The following DUSP8 variants were observed in gnomAD, a reference collection of about 807,000 sequenced individuals.
The protein encoded by DUSP8 is dual specificity phosphatase 8, also known as dual specificity protein phosphatase 8.
A neutral mutation model predicts 38.7 loss-of-function variants in DUSP8; 15 were observed. That is an observed-to-expected ratio of 0.39 (90% CI 0.26 to 0.60). The LOEUF (loss-of-function observed/expected upper bound fraction) is 0.60. Ranked by LOEUF, DUSP8 falls within the 20% of genes least tolerant of loss-of-function variation. DUSP8 has a pLI of 0.56. For synonymous variants in DUSP8, 458 were observed against 433.9 expected, an observed-to-expected ratio of 1.06 and a Z score of -0.69; for missense variants, 768 against 915.0, an observed-to-expected ratio of 0.84 and a Z score of 2.07.
At position 1,558,189 on chromosome 11, in the gene DUSP8, C is replaced by G. The variant is rs144327546; in HGVS notation, c.620G>C (p.Arg207Pro). 6.2e-7 allele frequency: 1 copy of G among 1,610,150 alleles called. No individual in the cohort carries two copies. The highest frequency in any genetic ancestry group is 8.5e-7 in the Non-Finnish European group (1 of 1,179,354). Reference sequence around the variant, plus strand: ...GTCGTTGATGGGGACCCGCATGAAGCGGCTCTCGCAGATGAAGTCAGGCTT... The same window carrying G: ...GTCGTTGATGGGGACCCGCATGAAGGGGCTCTCGCAGATGAAGTCAGGCTT... ...CPKPDFICES[R>P]FMRVPINDNY... The change falls in exon 5 of 7, where the codon CGC becomes CCC. Residue 207 changes from arginine to proline, a missense_variant. By Grantham distance (103) the Arg-to-Pro change is moderately radical. This residue lies in a region of DUSP8 where 252 missense variants were observed against 410.4 expected (regional missense o/e 0.61). Transcript: ENST00000397374. This position sits in a 1 kb window ranked among gnomAD's most constrained non-coding sequence, Gnocchi z 6.3.
At chr11:1,571,396 C>T (rs751278366) in intron 1 of DUSP8, 1 of 152,266 alleles carries the variant, frequency 6.6e-6, no homozygotes, top group Non-Finnish European at 1.5e-5. Flanking sequence ...AGCCCTCCCC[C>T]CCGACAGGGG....
intron 3 of DUSP8, among the ~76,000 whole-genome samples, chr11:1,562,599 G>A (rs1287616744): frequency 2.0e-5 from 3 of 152,126 alleles, no homozygotes; most frequent in Admixed American, 6.5e-5. Context: ...ATATACACGT[G>A]CACACACGTA....
chr11:1,564,604 C>G (rs1207696978), intron 2 of DUSP8, among the ~76,000 whole-genome samples: 1 of 152,218 alleles, frequency 6.6e-6, no homozygotes, highest in Non-Finnish European at 1.5e-5. Flanking sequence ...TGTTGAGCGG[C>G]TTTTGCTCAG....
intron 1 of DUSP8, among the ~76,000 whole-genome samples, chr11:1,566,840 G>A (rs1564936962): frequency 6.6e-6 from 1 of 152,098 alleles, no homozygotes; most frequent in Non-Finnish European, 1.5e-5. Context: ...CAGACTGCCG[G>A]GTGGGCAGGT....
chr11:1,558,347 C>T lies in DUSP8; in HGVS notation c.538-76G>A. 7.8e-7 allele frequency: 1 copy of T among 1,277,850 alleles called. No individual in the cohort carries two copies. The highest frequency in any genetic ancestry group is 1.1e-6 in the Non-Finnish European group (1 of 918,478). 79.2% of individuals were successfully genotyped at this position (1,277,850 alleles called of 1,614,324 possible). A position where few individuals can be genotyped will look rare whatever the true frequency, so the allele number is the denominator to read the frequency against. ...GGAGTGAAGGTGGAGGCTTTTCCTGCCCTGCCGTCAGGAGGGCCTTTAGAA... is the reference window on the plus strand; with the variant it reads ...GGAGTGAAGGTGGAGGCTTTTCCTGTCCTGCCGTCAGGAGGGCCTTTAGAA... On this transcript the variant is annotated intron_variant, in intron 4 of 6. Transcript: ENST00000397374. This position sits in a 1 kb window ranked among gnomAD's most constrained non-coding sequence, Gnocchi z 6.3.
intron 2 of DUSP8, among the ~76,000 whole-genome samples, chr11:1,564,279 G>A (rs921789117): frequency 6.6e-6 from 1 of 152,206 alleles, no homozygotes; most frequent in African/African-American, 2.4e-5. Flanking sequence ...TGAAGGGGAC[G>A]GACGCTCTGG....
chr11:1,566,744 A>G (rs1848810856), intron 1 of DUSP8, among the ~76,000 whole-genome samples: 1 of 152,056 alleles, frequency 6.6e-6, no homozygotes, highest in Non-Finnish European at 1.5e-5. Flanking sequence ...AGGGCCCAGG[A>G]TGGGAGGGGC....
chr11:1,563,223 AC>A (rs1458498549), intron 3 of DUSP8, among the ~76,000 whole-genome samples: 1 of 152,104 alleles, frequency 6.6e-6, no homozygotes, highest in African/African-American at 2.4e-5. Flanking sequence ...CGGCTCTGGG[AC>A]CTGGGCCGAC....
upstream of DUSP8, among the ~76,000 whole-genome samples, chr11:1,572,466 G>A (rs1337330624): frequency 5.3e-5 from 8 of 150,148 alleles, no homozygotes; most frequent in African/African-American, 1.7e-4. This position sits in a 1 kb window ranked among gnomAD's most constrained non-coding sequence, Gnocchi z 4.7. Context: ...GGTGGGTCGC[G>A]CCGCCGCCGC....
rs376229799 is a variant in DUSP8 at position 1,568,156 on chromosome 11, T to C, written c.-108-2222A>G. 4.2e-4 allele frequency among the ~76,000 whole-genome samples: 64 copies of C among 152,214 alleles called. 1 individual carries two copies. In the East Asian group the frequency reaches 6.8e-3, roughly 16 times the overall value. On this transcript the variant is annotated intron_variant, in intron 1 of 6. Transcript: ENST00000397374. ...CCTCATCCGTTAAGTGGGGGTGGAT[T>C]CTCTCTCACTGAAAACAACAGAAGC...
chr11:1,569,332 C>A (rs933521978), intron 1 of DUSP8, among the ~76,000 whole-genome samples: 4 of 152,144 alleles, frequency 2.6e-5, no homozygotes, highest in Non-Finnish European at 5.9e-5. Context: ...TCCCCTGGGA[C>A]ACAGCACGCC....
intron 1 of DUSP8, among the ~76,000 whole-genome samples, chr11:1,569,785 G>C (rs1029256850): frequency 3.9e-5 from 6 of 152,188 alleles, no homozygotes; most frequent in African/African-American, 1.4e-4. Context: ...TGTCAAGCAT[G>C]GGGGGATGGG....
At chr11:1,568,693 C>T (rs1488770626) in intron 1 of DUSP8, among the ~76,000 whole-genome samples, 2 of 152,196 alleles carry the variant, frequency 1.3e-5, no homozygotes, top group African/African-American at 4.8e-5. Context: ...CTCCTCTGCC[C>T]TACCTGGTCC....
At chr11:1,563,495 A>G (rs7938276) in intron 3 of DUSP8, among the ~76,000 whole-genome samples, 82,005 of 151,558 alleles carry the variant, frequency 0.54, 22,575 homozygotes, top group African/African-American at 0.56. Context: ...GGGCTTTCGG[A>G]GGTGGGGGGA....
Position 1,554,888 on chromosome 11 carries a change from T to C in DUSP8, c.*1630A>G. 1.0e-6 allele frequency: 1 copy of C among 953,092 alleles called. No homozygotes were observed. Among genetic ancestry groups the C allele is most frequent in the Non-Finnish European group, 1.2e-6 (1 of 800,478 alleles). The allele number at this position is 953,092 out of a possible 1,614,324, so 59.0% of individuals were successfully genotyped here. A position where few individuals can be genotyped will look rare whatever the true frequency, so the allele number is the denominator to read the frequency against. ...GCTTATTTTCTTGGGGGAACAGGAG[T>C]GGGTGGGGACAGAGGGAACGGGAAC... On this transcript the variant is annotated 3_prime_UTR_variant, in exon 7 of 7. Transcript: ENST00000397374.
At position 1,556,595 on chromosome 11, in the gene DUSP8, C is replaced by T; in HGVS notation, c.1801G>A (p.Ala601Thr). ...EFEEGMVEGR[A>T]RGEELAALGK... ...AGGGCGGCCAGCTCCTCGCCGCGCGCGCGCCCCTCCACCATGCCCTCCTCG... is the reference window on the plus strand; with the variant it reads ...AGGGCGGCCAGCTCCTCGCCGCGCGTGCGCCCCTCCACCATGCCCTCCTCG... The change falls in exon 7 of 7, where the codon GCG (alanine) becomes ACG (threonine). Residue 601 changes from alanine to threonine, a missense_variant. This residue lies in a region of DUSP8 where 42 missense variants were observed against 73.7 expected (regional missense o/e 0.57). Coordinates refer to ENST00000397374, the MANE Select transcript of DUSP8 (RefSeq NM_004420.3). This position sits in a 1 kb window ranked among gnomAD's most constrained non-coding sequence, Gnocchi z 5.2. 8 of 1,436,420 alleles carry T rather than the reference C, an allele frequency of 5.6e-6. No individual in the cohort carries two copies. The highest frequency in any genetic ancestry group is 7.3e-6 in the Non-Finnish European group (8 of 1,095,626). The allele number at this position is 1,436,420 out of a possible 1,614,324, so 89.0% of individuals were successfully genotyped here. A position where few individuals can be genotyped will look rare whatever the true frequency, so the allele number is the denominator to read the frequency against.
chr11:1,563,070 C>T (rs980660651), intron 3 of DUSP8, among the ~76,000 whole-genome samples: 6 of 152,134 alleles, frequency 3.9e-5, no homozygotes, highest in African/African-American at 7.2e-5. Context: ...CTCACCCCAC[C>T]GTGCCTGCAC....
rs1427084662 is a variant in DUSP8 at position 1,555,990 on chromosome 11, C to T, written c.*528G>A. 2.6e-5 allele frequency: 4 copies of T among 152,172 alleles called. No homozygotes were observed. The highest frequency in any genetic ancestry group is 6.5e-5 in the Admixed American group (1 of 15,276). The allele number at this position is 152,172 out of a possible 1,614,324, so 9.4% of individuals were successfully genotyped here. A position where few individuals can be genotyped will look rare whatever the true frequency, so the allele number is the denominator to read the frequency against. ...CCTGGAGCTGATGGAGGGCTGGCCGCACCTCTCCGGGGCACACCAGCTCCT... is the reference window on the plus strand; with the variant it reads ...CCTGGAGCTGATGGAGGGCTGGCCGTACCTCTCCGGGGCACACCAGCTCCT... On this transcript the variant is annotated 3_prime_UTR_variant, in exon 7 of 7. Transcript: ENST00000397374.
intron 1 of DUSP8, among the ~76,000 whole-genome samples, chr11:1,568,876 G>T (rs985189989): frequency 2.0e-5 from 3 of 152,162 alleles, no homozygotes; most frequent in Non-Finnish European, 4.4e-5. Flanking sequence ...TCACCCACAG[G>T]GTCTCCCTGG....
Sources: gnomAD v4.1 joint callset for allele counts (sites outside exome capture counted in the v4.1 genomes callset) on GRCh38, gnomAD v4.1.1 for gene constraint, gnomAD v4.1.1 regional missense constraint, Gnocchi (gnomAD v3.1) non-coding constraint, MANE v1.5 for transcripts, NCBI Gene and HGNC (gene_info 2026-07-23, HGNC 2026-07-21) for gene names.